EBF1: variants seen among roughly 807,000 people sequenced by gnomAD.
EBF1 encodes EBF transcription factor 1.
Under a neutral mutation model 68.4 loss-of-function variants are expected in EBF1, and 10 were observed. That is an observed-to-expected ratio of 0.15 (90% CI 0.09 to 0.25). EBF1 has a LOEUF of 0.25. Among genes scored for constraint, EBF1 ranks in the 10% least tolerant of loss-of-function variants. The pLI is 1.00. For missense variants in EBF1, 509 were observed against 794.4 expected, an observed-to-expected ratio of 0.64 and a Z score of 4.32; for synonymous variants, 298 against 299.8, an observed-to-expected ratio of 0.99 and a Z score of 0.06.
At chr5:158,946,343 T>C (rs1814698304) in intron 6 of EBF1, among the ~76,000 whole-genome samples, 1 of 152,198 alleles carries the variant, frequency 6.6e-6, no homozygotes, top group East Asian at 1.9e-4. Context: ...GTCTTTGCTA[T>C]TGGTGACCTT....
intron 6 of EBF1, among the ~76,000 whole-genome samples, chr5:158,900,531 C>T (rs945475722): frequency 9.2e-5 from 14 of 152,196 alleles, no homozygotes; most frequent in Admixed American, 6.5e-4. Flanking sequence ...TTGTACAACT[C>T]TGTTTTTTTC....
intron 11 of EBF1, among the ~76,000 whole-genome samples, chr5:158,728,611 G>T (rs1041817972): frequency 3.9e-5 from 6 of 152,104 alleles, no homozygotes; most frequent in African/African-American, 1.2e-4. Flanking sequence ...TGTCACCCAG[G>T]CTGGAGTGCA....
At position 158,712,950 on chromosome 5, in the gene EBF1, G is replaced by A. The variant is rs1759762134; in HGVS notation, c.1369+20C>T. ...GGGGTGCTTAAGGTTGGGGAGGGAA[G>A]AGAAAAGCAAGCTTCTGACCCTGAT... On this transcript the variant is annotated intron_variant, in intron 13 of 15. Transcript: ENST00000313708. 1 of 1,412,920 alleles carries A rather than the reference G, an allele frequency of 7.1e-7. No homozygotes were observed. Among genetic ancestry groups the A allele is most frequent in the South Asian group, 1.8e-5 (1 of 54,296 alleles). The allele number at this position is 1,412,920 out of a possible 1,614,324, so 87.5% of individuals were successfully genotyped here.
chr5:158,850,778 G>T (rs761427393), intron 6 of EBF1, among the ~76,000 whole-genome samples: 1 of 152,144 alleles, frequency 6.6e-6, no homozygotes, highest in African/African-American at 2.4e-5. Flanking sequence ...AGGCCGAGGC[G>T]TGTGGATTGC....
At chr5:158,942,168 T>C (rs187241459) in intron 6 of EBF1, among the ~76,000 whole-genome samples, 1 of 152,354 alleles carries the variant, frequency 6.6e-6, no homozygotes, top group Admixed American at 6.5e-5. Flanking sequence ...TACACAGTAC[T>C]TATTTTTAAT....
intron 6 of EBF1, among the ~76,000 whole-genome samples, chr5:159,004,325 T>G (rs1474948059): frequency 6.6e-6 from 1 of 151,272 alleles, no homozygotes; most frequent in African/African-American, 2.4e-5. Flanking sequence ...ATTTGAGGTC[T>G]CATTTCCTCC....
intron 11 of EBF1, among the ~76,000 whole-genome samples, chr5:158,724,720 A>C (rs527360043): frequency 1.3e-5 from 2 of 152,214 alleles, no homozygotes; most frequent in Non-Finnish European, 2.9e-5. Context: ...GCAAGTGTAC[A>C]GTTGAAGTGA....
intron 15 of EBF1, 68 bp downstream of exon 15, chr5:158,707,911 G>A: frequency 6.7e-7 from 1 of 1,501,624 alleles, no homozygotes; most frequent in Non-Finnish European, 9.0e-7. Flanking sequence ...TGATGCATCT[G>A]CTTCAGGCCC....
intron 6 of EBF1, among the ~76,000 whole-genome samples, chr5:158,939,832 T>A (rs987878030): frequency 1.3e-5 from 2 of 152,178 alleles, no homozygotes; most frequent in Non-Finnish European, 2.9e-5. Flanking sequence ...TCTGTCCTTC[T>A]TGGACCCACA....
intron 11 of EBF1, among the ~76,000 whole-genome samples, chr5:158,714,564 A>G (rs1760215304): frequency 6.6e-6 from 1 of 152,202 alleles, no homozygotes; most frequent in South Asian, 2.1e-4. Flanking sequence ...TGCTTATTCC[A>G]GTAACCATGA....
chr5:159,090,227 T>C (rs376239108), intron 4 of EBF1, among the ~76,000 whole-genome samples: 1 of 143,042 alleles, frequency 7.0e-6, no homozygotes, highest in Non-Finnish European at 1.5e-5. Flanking sequence ...ACCACCAATT[T>C]CTACTGTTTG....
At chr5:158,776,309 CGAGAGAGAGAGA>C (rs370864488) in intron 10 of EBF1, among the ~76,000 whole-genome samples, 2 of 147,986 alleles carry the variant, frequency 1.4e-5, no homozygotes, top group African/African-American at 4.9e-5. Context: ...TTTATAATTT[CGAGAGAGAGAGA>C]GAGAGAGAGA....
intron 6 of EBF1, among the ~76,000 whole-genome samples, chr5:159,067,173 C>T (rs565715224): frequency 6.6e-6 from 1 of 152,250 alleles, no homozygotes; most frequent in Admixed American, 6.5e-5. Context: ...TTCTAAGCAA[C>T]TTCTTTTAGG....
intron 6 of EBF1, among the ~76,000 whole-genome samples, chr5:158,872,168 T>C (rs1001043256): frequency 5.9e-5 from 9 of 151,914 alleles, no homozygotes; most frequent in South Asian, 2.1e-4. Flanking sequence ...CTTTCCTATC[T>C]ACCCAAGTAG....
intron 15 of EBF1, among the ~76,000 whole-genome samples, chr5:158,703,936 T>C (rs1448462998): frequency 6.6e-6 from 1 of 152,216 alleles, no homozygotes; most frequent in East Asian, 1.9e-4. Context: ...TGGTGTCATG[T>C]CTCCCCTAAT....
At chr5:158,941,270 A>G (rs1360132452) in intron 6 of EBF1, 1 of 455,926 alleles carries the variant, frequency 2.2e-6, no homozygotes, top group South Asian at 1.6e-5. Flanking sequence ...TGCAGACTGG[A>G]GACGTTGAAT....
intron 6 of EBF1, among the ~76,000 whole-genome samples, chr5:159,054,464 G>T (rs1774383683): frequency 6.6e-6 from 1 of 152,080 alleles, no homozygotes; most frequent in Non-Finnish European, 1.5e-5. Flanking sequence ...CTGTTTCTCA[G>T]TCTCTCTCTC....
chr5:159,076,533 G>A (rs1778813247), intron 5 of EBF1, among the ~76,000 whole-genome samples: 1 of 152,108 alleles, frequency 6.6e-6, no homozygotes, highest in Non-Finnish European at 1.5e-5. Context: ...CAGATGCAAA[G>A]AGCAGAAGTG....
chr5:158,926,673 A>G (rs564057546), intron 6 of EBF1, among the ~76,000 whole-genome samples: 1 of 151,886 alleles, frequency 6.6e-6, no homozygotes, highest in South Asian at 2.1e-4. Flanking sequence ...GCAGTGAGCC[A>G]AGATTGAGCC....
Sources: allele counts gnomAD v4.1 joint callset (sites outside exome capture counted in the v4.1 genomes callset), GRCh38; gene constraint gnomAD v4.1.1; transcripts MANE v1.5; gene names NCBI Gene and HGNC (gene_info 2026-07-23, HGNC 2026-07-21).